Variants in NOCT observed in about 807,000 individuals in gnomAD.
The protein encoded by NOCT is CCR4 carbon catabolite repression 4-like.
In NOCT, 18 loss-of-function variants were observed where a neutral mutation model predicts 35.0. The ratio of observed to expected loss-of-function variants is 0.51; its 90% CI spans 0.36 to 0.76. NOCT has a LOEUF of 0.76. NOCT is among the 30% of genes least tolerant of loss of function. The pLI, the probability that NOCT is intolerant of heterozygous loss-of-function variation, is 0.01. For synonymous variants in NOCT, 235 were observed against 226.3 expected, an observed-to-expected ratio of 1.04 and a Z score of -0.34; for missense variants, 479 against 541.0, an observed-to-expected ratio of 0.89 and a Z score of 1.14.
chr4:139,016,081 C>A lies in NOCT; in HGVS notation c.100C>A (p.Pro34Thr). ...CCCAGGGCTGCGCCGCCCGTTGTCC[C>A]CGCCGGCTGCTGTTCCCAGGCCCGC... ...PAPGLRRPLS[P>T]PAAVPRPASP... Residue 34 changes from proline (P) to threonine (T), a missense_variant, in exon 1 of 3, where the codon CCG becomes ACG. Physicochemically the swap from Pro to Thr is conservative, Grantham distance 38. Coordinates refer to ENST00000280614, the MANE Select transcript of NOCT (RefSeq NM_012118.4). 7.2e-7 allele frequency: 1 copy of A among 1,390,300 alleles called. No individual in the cohort carries two copies. The highest frequency in any genetic ancestry group is 9.3e-7 in the Non-Finnish European group (1 of 1,070,306). The allele number at this position is 1,390,300 out of a possible 1,614,324, so 86.1% of individuals were successfully genotyped here.
chr4:139,024,678 A>G (rs1451007463), intron 1 of NOCT, among the ~76,000 whole-genome samples: 1 of 152,078 alleles, frequency 6.6e-6, no homozygotes, highest in Non-Finnish European at 1.5e-5. Context: ...TGCAGCCTCC[A>G]TCAACCTGGT....
At chr4:139,039,727 T>TTTTTG (rs1265346982) in intron 1 of NOCT, among the ~76,000 whole-genome samples, 17 of 152,168 alleles carry the variant, frequency 1.1e-4, no homozygotes, top group Non-Finnish European at 2.5e-4. Flanking sequence ...GTCTTGTATC[T>TTTTTG]TTTTGTTTTG....
At chr4:139,043,586 A>C in intron 2 of NOCT, 1 of 445,958 alleles carries the variant, frequency 2.2e-6, no homozygotes, top group South Asian at 3.5e-5. Context: ...CAAACATGGA[A>C]GGTGTAAAGA....
intron 1 of NOCT, among the ~76,000 whole-genome samples, chr4:139,036,171 G>A (rs1345491824): frequency 1.3e-5 from 2 of 152,174 alleles, no homozygotes; most frequent in Non-Finnish European, 2.9e-5. Context: ...CATGAGGGCA[G>A]ATACTCATCT....
intron 1 of NOCT, among the ~76,000 whole-genome samples, chr4:139,039,594 T>A (rs935500044): frequency 3.3e-5 from 5 of 152,134 alleles, no homozygotes; most frequent in South Asian, 4.1e-4. Flanking sequence ...TATTTTTTTT[T>A]AAAAAAAGCA....
Position 139,015,909 on chromosome 4 carries a change from C to G in NOCT, c.-73C>G, listed in dbSNP as rs963458828. 10 of 1,186,706 alleles carry G rather than the reference C, an allele frequency of 8.4e-6. No individual in the cohort carries two copies. The South Asian group carries it at 2.5e-4, about 30-fold the overall frequency. 73.5% of individuals were successfully genotyped at this position (1,186,706 alleles called of 1,614,324 possible). Reference sequence around the variant, plus strand: ...CACACTGCCCGGACAGTCGGCTCGACTCGGTGCCCTCGGCCCCAGCCGGGC... The same window carrying G: ...CACACTGCCCGGACAGTCGGCTCGAGTCGGTGCCCTCGGCCCCAGCCGGGC... On this transcript the variant is annotated 5_prime_UTR_variant, in exon 1 of 3. Transcript: ENST00000280614.
chr4:139,028,189 A>G (rs1726558718), intron 1 of NOCT: 2 of 152,226 alleles, frequency 1.3e-5, no homozygotes, highest in Admixed American at 1.3e-4. Flanking sequence ...CAGCCAATAG[A>G]CAATTGAGCA....
intron 1 of NOCT, among the ~76,000 whole-genome samples, chr4:139,027,954 C>G (rs1237841815): frequency 2.0e-5 from 3 of 152,098 alleles, no homozygotes; most frequent in Admixed American, 2.0e-4. Flanking sequence ...AGAGTTAGCT[C>G]ATGGGTCACA....
chr4:139,026,356 C>T (rs1726513931), intron 1 of NOCT, among the ~76,000 whole-genome samples: 1 of 152,168 alleles, frequency 6.6e-6, no homozygotes, highest in Admixed American at 6.5e-5. Flanking sequence ...CCATCCCAGC[C>T]TCCCAAAGTG....
intron 1 of NOCT, among the ~76,000 whole-genome samples, chr4:139,037,833 G>A (rs1478532262): frequency 6.6e-6 from 1 of 151,836 alleles, no homozygotes; most frequent in Non-Finnish European, 1.5e-5. Context: ...GGCTACAGTG[G>A]GTTATGATCA....
chr4:139,036,300 G>A (rs568061111), intron 1 of NOCT, among the ~76,000 whole-genome samples: 9 of 151,760 alleles, frequency 5.9e-5, no homozygotes, highest in Non-Finnish European at 1.2e-4. Context: ...TTGCTATTTT[G>A]CCCAGGCTGG....
chr4:139,016,641 G>GTTTTTT lies in NOCT; in HGVS notation c.190+495_190+500dup, dbSNP rs10541748. On this transcript the variant is annotated intron_variant, in intron 1 of 2. Coordinates refer to ENST00000280614, the MANE Select transcript of NOCT (RefSeq NM_012118.4). ...ATAACACATTGATTCGTTTTACGTT[G>GTTTTTT]TTTTTTTTTTTTTTTTTTTTTTTTT... Among the ~76,000 whole-genome samples, 18 of 53,804 alleles carry GTTTTTT rather than the reference G, an allele frequency of 3.3e-4. 2 individuals are homozygous for GTTTTTT. Among genetic ancestry groups the GTTTTTT allele is most frequent in the African/African-American group, 8.4e-4 (11 of 13,092 alleles). The allele number at this position is 53,804 out of a possible 152,430, so 35.3% of individuals were successfully genotyped here.
At chr4:139,037,117 T>C (rs1198125763) in intron 1 of NOCT, among the ~76,000 whole-genome samples, 3 of 152,216 alleles carry the variant, frequency 2.0e-5, no homozygotes, top group Non-Finnish European at 4.4e-5. Flanking sequence ...CAGTCAGTGT[T>C]GCACCAGTCC....
At chr4:139,039,488 CTTTTG>C (rs1726796573) in intron 1 of NOCT, among the ~76,000 whole-genome samples, 1 of 149,320 alleles carries the variant, frequency 6.7e-6, no homozygotes, top group African/African-American at 2.5e-5. Context: ...TTCTTGATTT[CTTTTG>C]TTCCCTTTCG....
At chr4:139,038,750 A>G (rs1418363456) in intron 1 of NOCT, among the ~76,000 whole-genome samples, 1 of 152,150 alleles carries the variant, frequency 6.6e-6, no homozygotes, top group Non-Finnish European at 1.5e-5. Context: ...TTGGTGTACT[A>G]CATCTTCATG....
rs201273091 is a variant in NOCT, at chr4:139,043,117, C to G, written c.234C>G (p.Leu78=). The part of the protein sequence containing the change: ...GTGTSRLYSA[L]AKTLNSSAAS... ...GTACAAGCAGACTCTATAGTGCTCT[C>G]GCCAAGACACTGAACAGCAGCGCTG... The change falls in exon 2 of 3, where the codon CTC becomes CTG. Residue 78 remains leucine (L), a synonymous_variant. Transcript: ENST00000280614. The G allele has an allele frequency of 6.2e-7, 1 of 1,613,710 alleles. No homozygotes were observed. The highest frequency in any genetic ancestry group is 1.1e-5 in the South Asian group (1 of 91,068).
At chr4:139,029,056 C>T (rs1445580783) in intron 1 of NOCT, among the ~76,000 whole-genome samples, 2 of 152,098 alleles carry the variant, frequency 1.3e-5, no homozygotes, top group African/African-American at 4.8e-5. Flanking sequence ...TCAGGCTGGT[C>T]TCAAACTCCT....
At chr4:139,040,284 C>A (rs1457269760) in intron 1 of NOCT, among the ~76,000 whole-genome samples, 6 of 151,646 alleles carry the variant, frequency 4.0e-5, no homozygotes, top group Admixed American at 3.9e-4. Flanking sequence ...TCATGATGCG[C>A]CCGCCTCGGC....
rs1726867689 is a variant in NOCT at position 139,043,135 on chromosome 4, C to T, written c.252C>T (p.Ser84=). The change falls in exon 2 of 3, where the codon AGC becomes AGT. Residue 84 remains serine (S), a synonymous_variant. Coordinates refer to ENST00000280614, the MANE Select transcript of NOCT (RefSeq NM_012118.4). ...GTGCTCTCGCCAAGACACTGAACAG[C>T]AGCGCTGCCTCCCAGCACCCAGAGT... is the stretch of plus-strand genomic sequence containing the variant. ...LYSALAKTLN[S]SAASQHPEYL... The T allele has an allele frequency of 6.2e-7, 1 of 1,613,860 alleles. No individual in the cohort carries two copies. Among genetic ancestry groups the T allele is most frequent in the African/African-American group, 1.3e-5 (1 of 74,896 alleles).
Sources: gnomAD v4.1 joint callset for allele counts (sites outside exome capture counted in the v4.1 genomes callset) on GRCh38, gnomAD v4.1.1 for gene constraint, MANE v1.5 for transcripts, NCBI Gene and HGNC (gene_info 2026-07-23, HGNC 2026-07-21) for gene names.